The following FBXO9 variants were observed in gnomAD, a reference collection of about 807,000 sequenced individuals.
The protein encoded by FBXO9 is F-box only protein 9.
In FBXO9, 43 loss-of-function variants were observed where a neutral mutation model predicts 63.7. The ratio of observed to expected loss-of-function variants is 0.67; its 90% CI spans 0.53 to 0.87. FBXO9 has a LOEUF of 0.87. Ranked by LOEUF, FBXO9 falls within the 40% of genes least tolerant of loss-of-function variation. The pLI is 0.00. For missense variants in FBXO9, 442 were observed against 533.2 expected, an observed-to-expected ratio of 0.83 and a Z score of 1.68; for synonymous variants, 156 against 171.7, an observed-to-expected ratio of 0.91 and a Z score of 0.72.
chr6:53,081,058 G>C lies in FBXO9; in HGVS notation c.498G>C (p.Leu166=), dbSNP rs377758490. 1.2e-6 allele frequency: 2 copies of C among 1,613,040 alleles called. No individual in the cohort carries two copies. The highest frequency in any genetic ancestry group is 1.7e-6 in the Non-Finnish European group (2 of 1,179,874). The stretch of plus-strand genomic sequence containing the variant: ...CATTTCAGGAGTCTGTGCTTAAACT[G>C]TGTCAGCCTGAGCTTGAGAGCAGTC... The part of the protein sequence containing the change: ...QLTFQESVLK[L]CQPELESSQI... The change falls in exon 6 of 13, where the codon CTG becomes CTC. Residue 166 remains leucine, a synonymous_variant. Transcript: ENST00000323557.
chr6:53,066,760 A>G (rs1768716396), intron 1 of FBXO9, among the ~76,000 whole-genome samples: 1 of 152,244 alleles, frequency 6.6e-6, no homozygotes, highest in Non-Finnish European at 1.5e-5. Flanking sequence ...GAAGACATGG[A>G]CTACTCATAC....
chr6:53,092,280 C>T (rs946383810), intron 7 of FBXO9, 149 bp from the exon 8 acceptor site: 1 of 606,496 alleles, frequency 1.6e-6, no homozygotes, highest in Non-Finnish European at 2.9e-6. Flanking sequence ...AAGAGCAGGG[C>T]CTTTGCCTTG....
At chr6:53,092,982 G>A in intron 9 of FBXO9, 158 bp downstream of exon 9, 1 of 459,042 alleles carries the variant, frequency 2.2e-6, no homozygotes, top group Non-Finnish European at 3.8e-6. Context: ...AAAAAAATAG[G>A]CTAATATAAA....
At chr6:53,085,783 T>C (rs921040670) in intron 7 of FBXO9, among the ~76,000 whole-genome samples, 1 of 152,034 alleles carries the variant, frequency 6.6e-6, no homozygotes, top group African/African-American at 2.4e-5. Context: ...GTTTACCAAG[T>C]GAGGTTAATC....
chr6:53,065,522 C>T lies in FBXO9; in HGVS notation c.-268C>T. The T allele has an allele frequency of 5.2e-6, 2 of 388,044 alleles. No homozygotes were observed. Among genetic ancestry groups the T allele is most frequent in the Non-Finnish European group, 4.6e-6 (1 of 218,814 alleles). The allele number at this position is 388,044 out of a possible 1,614,324, so 24.0% of individuals were successfully genotyped here. A position where few individuals can be genotyped will look rare whatever the true frequency, so the allele number is the denominator to read the frequency against. On this transcript the variant is annotated 5_prime_UTR_variant, in exon 1 of 13. In the 5' UTR this introduces an upstream ATG that the reference lacks. Transcript: ENST00000323557. ...CACAATCCCCCGCCTCGGCTGGCAA[C>T]GGGCGTCCCTCCACTCCCCGAGTCC... is the stretch of plus-strand genomic sequence containing the variant.
At chr6:53,070,123 A>G (rs1768862431) in intron 1 of FBXO9, among the ~76,000 whole-genome samples, 1 of 148,228 alleles carries the variant, frequency 6.7e-6, no homozygotes, top group East Asian at 2.0e-4. Context: ...GGCTCAAGCA[A>G]CCCTCCCACC....
Position 53,093,891 on chromosome 6 carries a change from T to TG in FBXO9, c.967dup (p.Ala323GlyfsTer25), listed in dbSNP as rs1763123918. The TG allele has an allele frequency of 6.5e-7, 1 of 1,544,930 alleles. No homozygotes were observed. The highest frequency in any genetic ancestry group is 8.7e-7 in the Non-Finnish European group (1 of 1,144,380). ...TTTGTTTTTTTTTTTTAAGGACTGA[T>TG]GCAATTCTACTGGGTCACTATCGCT... On this transcript the variant is annotated frameshift_variant, in exon 11 of 13. Coordinates refer to ENST00000323557, the MANE Select transcript of FBXO9 (RefSeq NM_033480.3). LOFTEE classifies it high-confidence loss of function.
intron 4 of FBXO9, among the ~76,000 whole-genome samples, chr6:53,077,140 G>A (rs1423284773): frequency 1.3e-5 from 2 of 152,064 alleles, no homozygotes; most frequent in East Asian, 3.9e-4. Context: ...AAAAATACAT[G>A]TTTTTCTTTC....
intron 3 of FBXO9, among the ~76,000 whole-genome samples, chr6:53,074,780 T>C (rs1382822038): frequency 6.6e-6 from 1 of 152,264 alleles, no homozygotes; most frequent in African/African-American, 2.4e-5. Context: ...CAAGTTACTA[T>C]GTATCAGTAG....
chr6:53,085,823 G>A (rs1762863361), intron 7 of FBXO9, among the ~76,000 whole-genome samples: 1 of 152,088 alleles, frequency 6.6e-6, no homozygotes, highest in Non-Finnish European at 1.5e-5. Flanking sequence ...TGAGAGATAC[G>A]TTCTTTGAGG....
At chr6:53,071,373 C>T (rs2127487748) in intron 2 of FBXO9, among the ~76,000 whole-genome samples, 1 of 152,274 alleles carries the variant, frequency 6.6e-6, no homozygotes. Flanking sequence ...CAAACTAAGG[C>T]TTACGCATGA....
intron 1 of FBXO9, 39 bp downstream of exon 1, chr6:53,065,831 G>T (rs1366049001): frequency 1.5e-6 from 2 of 1,317,672 alleles, no homozygotes. Context: ...ACGCCGCGGG[G>T]CGGGAGCGTG....
Position 53,070,827 on chromosome 6 carries a change from T to TAACGTGAA in FBXO9, c.4-223_4-222insAAACGTGA, listed in dbSNP as rs558098326. The TAACGTGAA allele has an allele frequency of 6.4e-4, 312 of 485,264 alleles. 1 individual carries two copies. The highest frequency in any genetic ancestry group is 4.5e-3 in the African/African-American group (233 of 51,852). The allele number at this position is 485,264 out of a possible 1,614,324, so 30.1% of individuals were successfully genotyped here. On this transcript the variant is annotated intron_variant, in intron 1 of 12. Transcript: ENST00000323557. Reference sequence around the variant, plus strand: ...GGGGGGGAAATGTTAGGATTCACAATAACGTGAGTACTGTGGGTTGGAGTA... The same window carrying TAACGTGAA: ...GGGGGGGAAATGTTAGGATTCACAATAACGTGAAAACGTGAGTACTGTGGGTTGGAGTA...
chr6:53,094,487 A>G (rs562212560), intron 11 of FBXO9, among the ~76,000 whole-genome samples: 1 of 152,220 alleles, frequency 6.6e-6, no homozygotes, highest in Non-Finnish European at 1.5e-5. Context: ...AAATTGTCCT[A>G]ACAGATTGGT....
chr6:53,094,018 A>G, intron 11 of FBXO9, 40 bp downstream of exon 11: 1 of 1,312,160 alleles, frequency 7.6e-7, no homozygotes, highest in Non-Finnish European at 1.1e-6. Flanking sequence ...TCTTATCTTA[A>G]TAGCCTATTC....
At chr6:53,074,430 T>C (rs1372220764) in intron 3 of FBXO9, among the ~76,000 whole-genome samples, 1 of 152,220 alleles carries the variant, frequency 6.6e-6, no homozygotes, top group African/African-American at 2.4e-5. Flanking sequence ...TGCATAACTA[T>C]AGTACAATAT....
chr6:53,075,740 T>A (rs866651714), intron 3 of FBXO9, among the ~76,000 whole-genome samples: 7 of 106,416 alleles, frequency 6.6e-5, no homozygotes, highest in African/African-American at 1.6e-4. Flanking sequence ...TATAATTATT[T>A]TTTTTTTTTT....
chr6:53,065,761 C>A lies in FBXO9; in HGVS notation c.-29C>A. ...CGGTGCAGAGGGGGCACGGAGAGCC[C>A]CTCGAGCGCAGCAGGCCGCCCCGCC... On this transcript the variant is annotated 5_prime_UTR_variant, in exon 1 of 13. Coordinates refer to ENST00000323557, the MANE Select transcript of FBXO9 (RefSeq NM_033480.3). 1 of 1,405,084 alleles carries A rather than the reference C, an allele frequency of 7.1e-7. No homozygotes were observed. Among genetic ancestry groups the A allele is most frequent in the South Asian group, 1.5e-5 (1 of 68,030 alleles). 87.0% of individuals were successfully genotyped at this position (1,405,084 alleles called of 1,614,324 possible). A position where few individuals can be genotyped will look rare whatever the true frequency, so the allele number is the denominator to read the frequency against.
intron 12 of FBXO9, among the ~76,000 whole-genome samples, 163 bp downstream of exon 12, chr6:53,095,827 C>T (rs898552972): frequency 1.3e-5 from 2 of 152,084 alleles, no homozygotes; most frequent in South Asian, 2.1e-4. Context: ...ATGGCCCAAA[C>T]GAAAAAGACT....
Sources: allele counts gnomAD v4.1 joint callset (sites outside exome capture counted in the v4.1 genomes callset), GRCh38; gene constraint gnomAD v4.1.1; transcripts MANE v1.5; gene names NCBI Gene and HGNC (gene_info 2026-07-23, HGNC 2026-07-21).